The following HYDIN variants were observed in gnomAD, a reference collection of about 807,000 sequenced individuals.
HYDIN encodes HYDIN axonemal central pair apparatus protein.
Under a neutral mutation model 403.9 loss-of-function variants are expected in HYDIN, and 132 were observed. The observed-to-expected ratio is 0.33, with a 90% CI of 0.28 to 0.38. HYDIN has a LOEUF of 0.38. Ranked by LOEUF, HYDIN falls within the 10% of genes least tolerant of loss-of-function variation. The probability of loss-of-function intolerance (pLI) is 1.00; values close to 1 mark genes in which losing one functional copy is unlikely to be tolerated. For synonymous variants in HYDIN, 1,202 were observed against 1,891.7 expected, an observed-to-expected ratio of 0.64 and a Z score of 9.46; for missense variants, 2,827 against 5,009.5, an observed-to-expected ratio of 0.56 and a Z score of 13.15.
rs573875392 is a variant in HYDIN at position 70,954,749 on chromosome 16, T to G, written c.6316+626A>C. Reference sequence around the variant, plus strand: ...ATGATAGTCAAGGGCTACCTTCCTATTGTGATTTTCTGATCATTTTTCCAT... The same window carrying G: ...ATGATAGTCAAGGGCTACCTTCCTAGTGTGATTTTCTGATCATTTTTCCAT... On this transcript the variant is annotated intron_variant, in intron 40 of 85. Coordinates refer to ENST00000393567, the MANE Select transcript of HYDIN (RefSeq NM_001270974.2). Among the ~76,000 whole-genome samples, 23 of 152,306 alleles carry G rather than the reference T, an allele frequency of 1.5e-4. 2 individuals are homozygous for G. In the South Asian group the frequency reaches 4.8e-3, roughly 32 times the overall value.
intron 45 of HYDIN, among the ~76,000 whole-genome samples, chr16:70,922,783 AC>A (rs1181131587): frequency 7.1e-6 from 1 of 140,088 alleles, no homozygotes; most frequent in Non-Finnish European, 1.5e-5. Flanking sequence ...TGCTTTTATA[AC>A]CTTTTTTTTT....
intron 1 of HYDIN, among the ~76,000 whole-genome samples, chr16:71,222,264 A>T (rs895905074): frequency 1.3e-5 from 2 of 152,236 alleles, no homozygotes; most frequent in African/African-American, 4.8e-5. Flanking sequence ...ATGAAGAAAA[A>T]GCATTTGAAA....
Position 71,060,496 on chromosome 16 carries a change from T to C in HYDIN, c.2529+8A>G, listed in dbSNP as rs2082043389. 6.3e-6 allele frequency: 4 copies of C among 630,600 alleles called. No individual in the cohort carries two copies. Among genetic ancestry groups the C allele is most frequent in the East Asian group, 2.7e-5 (1 of 36,784 alleles). 39.1% of individuals were successfully genotyped at this position (630,600 alleles called of 1,614,324 possible). On this transcript the variant is annotated splice_region_variant and intron_variant, in intron 18 of 85. Transcript: ENST00000393567. Reference sequence around the variant, plus strand: ...CAAAGCTGTGTTTCATCATGTCCCATGACTTACCATGTGTGCCTGGAAAAA... The same window carrying C: ...CAAAGCTGTGTTTCATCATGTCCCACGACTTACCATGTGTGCCTGGAAAAA...
At chr16:70,868,824 C>G (rs2039935507) in intron 65 of HYDIN, 36 bp from the exon 66 acceptor site, 1 of 1,576,306 alleles carries the variant, frequency 6.3e-7, no homozygotes, top group Non-Finnish European at 8.6e-7. Context: ...TTTTGAGAAT[C>G]CGATCTTGAG....
chr16:71,180,025 C>T (rs1428894947), intron 3 of HYDIN, among the ~76,000 whole-genome samples: 2 of 151,874 alleles, frequency 1.3e-5, no homozygotes, highest in Non-Finnish European at 2.9e-5. Context: ...ATTGACATGA[C>T]AAAAACAGGA....
chr16:71,100,074 G>C (rs1356636256), intron 10 of HYDIN, among the ~76,000 whole-genome samples: 3 of 152,026 alleles, frequency 2.0e-5, no homozygotes, highest in African/African-American at 7.2e-5. Flanking sequence ...AAGGTCAACT[G>C]TATTTCTATA....
intron 75 of HYDIN, among the ~76,000 whole-genome samples, chr16:70,849,179 G>T (rs1219277088): frequency 6.6e-6 from 1 of 151,990 alleles, no homozygotes; most frequent in Non-Finnish European, 1.5e-5. Flanking sequence ...CTGCAGAGCT[G>T]GGATGAGGGA....
At chr16:71,079,805 G>C in intron 13 of HYDIN, 80 bp downstream of exon 13, 1 of 622,034 alleles carries the variant, frequency 1.6e-6, no homozygotes. Context: ...TGGAACGGGG[G>C]TTCTTTGTAA....
At chr16:71,049,964 A>G (rs1597643281) in intron 18 of HYDIN, among the ~76,000 whole-genome samples, 1 of 147,916 alleles carries the variant, frequency 6.8e-6, no homozygotes, top group East Asian at 2.0e-4. Context: ...ATAAAAACAG[A>G]CATGTAGGAT....
intron 30 of HYDIN, among the ~76,000 whole-genome samples, chr16:70,978,180 C>T (rs1435578520): frequency 6.6e-6 from 1 of 151,950 alleles, no homozygotes; most frequent in Non-Finnish European, 1.5e-5. Flanking sequence ...TGTCTCAGTC[C>T]CCCTCCTTAC....
chr16:71,220,841 A>G (rs948938477), intron 1 of HYDIN, among the ~76,000 whole-genome samples: 1 of 152,198 alleles, frequency 6.6e-6, no homozygotes, highest in Admixed American at 6.6e-5. Flanking sequence ...TTTCTAATAT[A>G]GGTTATGCTG....
At chr16:70,843,116 T>C (rs1224441098) in intron 75 of HYDIN, among the ~76,000 whole-genome samples, 4 of 150,282 alleles carry the variant, frequency 2.7e-5, no homozygotes, top group Admixed American at 2.6e-4. Flanking sequence ...TATGTATACA[T>C]GTGCCATGCT....
intron 50 of HYDIN, among the ~76,000 whole-genome samples, chr16:70,905,067 G>A (rs1320311671): frequency 2.6e-5 from 4 of 152,120 alleles, no homozygotes; most frequent in South Asian, 2.1e-4. Context: ...CAGAGGTCAC[G>A]GCACAGGCTA....
At chr16:71,057,445 A>T (rs1005020944) in intron 18 of HYDIN, among the ~76,000 whole-genome samples, 3 of 152,224 alleles carry the variant, frequency 2.0e-5, no homozygotes, top group African/African-American at 4.8e-5. Flanking sequence ...GTGAGCTGTC[A>T]CAAGTCAGCA....
chr16:70,937,734 G>A (rs1291915842), intron 44 of HYDIN, among the ~76,000 whole-genome samples: 2 of 148,686 alleles, frequency 1.3e-5, no homozygotes, highest in African/African-American at 5.0e-5. Context: ...GCTGTTTCAG[G>A]TCAGTGGGAG....
At chr16:70,928,039 TAA>T (rs2077206566) in intron 45 of HYDIN, among the ~76,000 whole-genome samples, 1 of 151,896 alleles carries the variant, frequency 6.6e-6, no homozygotes, top group Non-Finnish European at 1.5e-5. Flanking sequence ...AGAAAGCAGT[TAA>T]AGAGTGTTTA....
intron 10 of HYDIN, among the ~76,000 whole-genome samples, chr16:71,110,238 G>A (rs1318712220): frequency 1.4e-5 from 2 of 143,228 alleles, no homozygotes; most frequent in South Asian, 2.2e-4. Flanking sequence ...ATGTATGTGT[G>A]TATATATATA....
chr16:70,956,004 G>C (rs538887670), intron 39 of HYDIN, among the ~76,000 whole-genome samples: 4 of 152,032 alleles, frequency 2.6e-5, no homozygotes, highest in Non-Finnish European at 4.4e-5. Flanking sequence ...ATTTTTAGTA[G>C]AGATGGGGTT....
At chr16:70,842,921 AGTT>A (rs2037927371) in intron 75 of HYDIN, among the ~76,000 whole-genome samples, 1 of 151,524 alleles carries the variant, frequency 6.6e-6, no homozygotes, top group African/African-American at 2.4e-5. Context: ...TATTCTTTTG[AGTT>A]GTTGTATTAG....
Sources: allele counts gnomAD v4.1 joint callset (sites outside exome capture counted in the v4.1 genomes callset), GRCh38; gene constraint gnomAD v4.1.1; transcripts MANE v1.5; gene names NCBI Gene and HGNC (gene_info 2026-07-23, HGNC 2026-07-21).